Variants in SYTL3 observed in about 807,000 individuals in gnomAD.
SYTL3 encodes synaptotagmin like 3.
In SYTL3, 88 loss-of-function variants were observed where a neutral mutation model predicts 82.1. The ratio of observed to expected loss-of-function variants is 1.07; its 90% CI spans 0.90 to 1.28. The LOEUF (loss-of-function observed/expected upper bound fraction) is 1.28, where lower values mean the gene tolerates loss of function less well. SYTL3 is among the 50% of genes most tolerant of loss of function. The probability of loss-of-function intolerance (pLI) is 0.00; values close to 1 mark genes in which losing one functional copy is unlikely to be tolerated. For missense variants in SYTL3, 831 were observed against 757.6 expected, an observed-to-expected ratio of 1.10 and a Z score of -1.14; for synonymous variants, 311 against 289.4, an observed-to-expected ratio of 1.07 and a Z score of -0.76.
chr6:158,677,497 A>G (rs1227542946), intron 5 of SYTL3, among the ~76,000 whole-genome samples: 1 of 152,020 alleles, frequency 6.6e-6, no homozygotes, highest in Non-Finnish European at 1.5e-5. Flanking sequence ...ACATGTATAC[A>G]TATGTAACAC....
intron 14 of SYTL3, among the ~76,000 whole-genome samples, chr6:158,757,998 T>C (rs910397381): frequency 6.6e-6 from 1 of 151,808 alleles, no homozygotes; most frequent in Admixed American, 6.6e-5. Context: ...CCCCAGGCTA[T>C]GCAGGTAGGA....
At chr6:158,763,232 A>C (rs894135616) in intron 16 of SYTL3, 72 bp from the exon 17 acceptor site, 1 of 1,427,380 alleles carries the variant, frequency 7.0e-7, no homozygotes, top group Non-Finnish European at 9.9e-7. Flanking sequence ...TCCCGTCTGC[A>C]CTGACGCACA....
chr6:158,700,908 A>C (rs11965002), intron 6 of SYTL3, among the ~76,000 whole-genome samples: 2 of 152,106 alleles, frequency 1.3e-5, no homozygotes, highest in Non-Finnish European at 2.9e-5. Flanking sequence ...GAGCCACCGC[A>C]CCTGGCCTGT....
At chr6:158,753,081 T>TC (rs918191212) in intron 13 of SYTL3, among the ~76,000 whole-genome samples, 7 of 144,918 alleles carry the variant, frequency 4.8e-5, no homozygotes, top group African/African-American at 1.5e-4. Flanking sequence ...TCTTTTCTTT[T>TC]TTTTTTTTTT....
At position 158,707,301 on chromosome 6, in the gene SYTL3, G is replaced by A. The variant is rs765369589; in HGVS notation, c.446+20G>A. ...GCTGAGGTGAGTGTTACAAAGGACA[G>A]ACCGTCCCTGGCCCTCCGGGGCAGG... is the stretch of plus-strand genomic sequence containing the variant. On this transcript the variant is annotated intron_variant, in intron 7 of 17. Coordinates refer to ENST00000611299, the MANE Select transcript of SYTL3 (RefSeq NM_001242394.2). 7 of 1,613,114 alleles carry A rather than the reference G, an allele frequency of 4.3e-6. No homozygotes were observed. The highest frequency in any genetic ancestry group is 5.9e-6 in the Non-Finnish European group (7 of 1,179,886).
At chr6:158,695,030 T>C (rs769484651) in intron 6 of SYTL3, among the ~76,000 whole-genome samples, 2 of 152,206 alleles carry the variant, frequency 1.3e-5, no homozygotes, top group Admixed American at 6.5e-5. Context: ...CTTTTGGGAG[T>C]TGGCAAACAA....
intron 6 of SYTL3, among the ~76,000 whole-genome samples, chr6:158,698,203 C>T (rs1227506781): frequency 6.6e-6 from 1 of 152,116 alleles, no homozygotes; most frequent in Non-Finnish European, 1.5e-5. Context: ...TGGAGACCAG[C>T]CTGGCCAACA....
intron 6 of SYTL3, among the ~76,000 whole-genome samples, chr6:158,694,369 C>T (rs1057310058): frequency 1.1e-4 from 17 of 151,698 alleles, no homozygotes; most frequent in African/African-American, 4.1e-4. Flanking sequence ...GATATTGGCT[C>T]GCTGCAACCT....
intron 6 of SYTL3, among the ~76,000 whole-genome samples, chr6:158,703,070 C>G (rs1446762475): frequency 6.7e-6 from 1 of 150,278 alleles, no homozygotes; most frequent in Non-Finnish European, 1.5e-5. Flanking sequence ...AGGAGAATCA[C>G]TCGAACCTGG....
At chr6:158,649,946 C>T (rs1173768281), upstream of SYTL3, 1 of 152,264 alleles carries the variant, frequency 6.6e-6, no homozygotes, top group African/African-American at 2.4e-5. Context: ...TAAGGCTGGC[C>T]ACACAGGGTG....
At chr6:158,685,200 G>GTC (rs148896149) in intron 6 of SYTL3, among the ~76,000 whole-genome samples, 17,038 of 144,270 alleles carry the variant, frequency 0.12, 1,948 homozygotes, top group African/African-American at 0.29. Flanking sequence ...TTGCTTTTAT[G>GTC]TCTCTCTCTC....
chr6:158,665,684 C>A, intron 5 of SYTL3, 71 bp downstream of exon 5: 1 of 1,193,472 alleles, frequency 8.4e-7, no homozygotes, highest in South Asian at 1.5e-5. Flanking sequence ...ACAAACCGCT[C>A]ATAAAGAGAG....
chr6:158,670,491 A>G (rs1777239737), intron 5 of SYTL3, among the ~76,000 whole-genome samples: 1 of 152,168 alleles, frequency 6.6e-6, no homozygotes, highest in South Asian at 2.1e-4. Context: ...TCCTACTTTT[A>G]ACATTGCTGG....
intron 6 of SYTL3, among the ~76,000 whole-genome samples, chr6:158,705,307 G>A (rs111848664): frequency 3.6e-5 from 2 of 56,140 alleles, no homozygotes; most frequent in Non-Finnish European, 7.6e-5. Flanking sequence ...GCCACATAGG[G>A]CAGGAGGGAC....
intron 13 of SYTL3, among the ~76,000 whole-genome samples, chr6:158,756,812 A>C (rs146238187): frequency 7.1e-6 from 1 of 140,470 alleles, no homozygotes; most frequent in African/African-American, 2.7e-5. Flanking sequence ...GTTTAGATGC[A>C]AGTTCAAATC....
chr6:158,664,044 G>T (rs1191715096), intron 4 of SYTL3, among the ~76,000 whole-genome samples: 7 of 152,266 alleles, frequency 4.6e-5, no homozygotes, highest in Admixed American at 3.9e-4. Flanking sequence ...TAGCTGTCAA[G>T]ATCCATCTTT....
Position 158,745,656 on chromosome 6 carries a change from TC to T in SYTL3, c.1034del (p.Pro345ArgfsTer3). ...YGEEKKKKCNPYVKTYLLPDR... is the reference protein window; with the variant it reads ...YGEEKKKKCNXYVKTYLLPDR... ...GAGAAGAAAAGAAGAAAAAGTGCAA[TC>T]CGTAAGTTGTTTTTTTTAAGTTTAA... On this transcript the variant is annotated frameshift_variant and splice_region_variant, in exon 12 of 18. Transcript: ENST00000611299. LOFTEE classifies it high-confidence loss of function. 6.3e-7 allele frequency: 1 copy of T among 1,585,512 alleles called. No homozygotes were observed. Among genetic ancestry groups the T allele is most frequent in the Non-Finnish European group, 8.5e-7 (1 of 1,169,638 alleles).
chr6:158,731,379 C>T (rs928369214), intron 11 of SYTL3, among the ~76,000 whole-genome samples: 1 of 151,772 alleles, frequency 6.6e-6, no homozygotes, highest in African/African-American at 2.4e-5. Context: ...ACCACGTCCT[C>T]ATCAAAAAAT....
chr6:158,753,074 TTTC>T (rs2128530483), intron 13 of SYTL3, among the ~76,000 whole-genome samples: 2 of 134,886 alleles, frequency 1.5e-5, no homozygotes, highest in East Asian at 3.9e-4. Flanking sequence ...CATTTCTTCT[TTTC>T]TTTTTTTTTT....
Sources: allele counts gnomAD v4.1 joint callset (sites outside exome capture counted in the v4.1 genomes callset), GRCh38; gene constraint gnomAD v4.1.1; transcripts MANE v1.5; gene names NCBI Gene and HGNC (gene_info 2026-07-23, HGNC 2026-07-21).